Variants in SRRM3 observed in about 807,000 individuals in gnomAD.
The protein encoded by SRRM3 is serine/arginine repetitive matrix protein 3.
SRRM3 carries 27 observed loss-of-function variants against 66.2 expected under a neutral mutation model. The ratio of observed to expected loss-of-function variants is 0.41; its 90% CI spans 0.30 to 0.56. SRRM3 has a LOEUF of 0.56. Ranked by LOEUF, SRRM3 falls within the 20% of genes least tolerant of loss-of-function variation. The probability of loss-of-function intolerance (pLI) is 0.32; values close to 1 mark genes in which losing one functional copy is unlikely to be tolerated. For synonymous variants in SRRM3, 391 were observed against 414.9 expected (o/e 0.94, Z 0.70); for missense variants, 918 against 991.9 (o/e 0.93, Z 1.00).
intron 3 of SRRM3, among the ~76,000 whole-genome samples, chr7:76,258,239 G>A (rs1184325777): frequency 3.3e-5 from 5 of 152,124 alleles, no homozygotes; most frequent in Non-Finnish European, 5.9e-5. Context: ...AGGGCGAGGA[G>A]AGGCTATGAA....
intron 11 of SRRM3, among the ~76,000 whole-genome samples, chr7:76,276,198 T>TTCAC (rs1298911337): frequency 7.9e-5 from 12 of 152,166 alleles, no homozygotes; most frequent in Admixed American, 2.0e-4. Flanking sequence ...AGGTCCCTGA[T>TTCAC]TCACTCACTC....
chr7:76,261,185 T>C (rs1487428161), intron 6 of SRRM3, among the ~76,000 whole-genome samples, 167 bp from the exon 7 acceptor site: 2 of 152,022 alleles, frequency 1.3e-5, no homozygotes, highest in Admixed American at 6.6e-5. Flanking sequence ...CTGAGGGACC[T>C]TGGCGACCCT....
At chr7:76,234,038 C>A (rs1221941202) in intron 1 of SRRM3, among the ~76,000 whole-genome samples, 2 of 152,130 alleles carry the variant, frequency 1.3e-5, no homozygotes, top group African/African-American at 4.8e-5. Context: ...ATACCCAATC[C>A]CTTCTTTTCC....
intron 12 of SRRM3, 167 bp from the exon 13 acceptor site, chr7:76,282,481 C>A (rs1216958654): frequency 4.8e-5 from 22 of 455,568 alleles, no homozygotes; most frequent in Admixed American, 1.8e-4. Flanking sequence ...CTGAACTGAC[C>A]CCTGCCCCTC....
intron 11 of SRRM3, among the ~76,000 whole-genome samples, chr7:76,277,090 G>C (rs528219762): frequency 1.1e-4 from 17 of 152,356 alleles, no homozygotes; most frequent in Non-Finnish European, 2.4e-4. Flanking sequence ...CTTGGGCCAT[G>C]GCAGGCCCGT....
intron 1 of SRRM3, among the ~76,000 whole-genome samples, chr7:76,225,171 C>G (rs1190673354): frequency 6.6e-6 from 1 of 152,172 alleles, no homozygotes; most frequent in Non-Finnish European, 1.5e-5. Context: ...CCTGATCACC[C>G]AGGCAGAAGT....
Position 76,255,124 on chromosome 7 carries a change from T to TTTTC in SRRM3, c.336-4758_336-4755dup, listed in dbSNP as rs377584837. ...CATATTTGGGTAACATTATTTTTCC[T>TTTTC]TTTCTTTCTTTCTTTCTTTCTTTCT... On this transcript the variant is annotated intron_variant, in intron 3 of 14. Coordinates refer to ENST00000611745, the MANE Select transcript of SRRM3 (RefSeq NM_001110199.3). Among the ~76,000 whole-genome samples the TTTTC allele has an allele frequency of 5.3e-4, 74 of 139,582 alleles. 1 individual carries two copies. Among genetic ancestry groups the TTTTC allele is most frequent in the Middle Eastern group, 3.5e-3 (1 of 282 alleles). 91.6% of individuals were successfully genotyped at this position (139,582 alleles called of 152,430 possible). A position where few individuals can be genotyped will look rare whatever the true frequency, so the allele number is the denominator to read the frequency against.
intron 3 of SRRM3, among the ~76,000 whole-genome samples, chr7:76,259,655 G>C (rs1213328575): frequency 6.6e-6 from 1 of 152,096 alleles, no homozygotes; most frequent in African/African-American, 2.4e-5. Context: ...TAAATAAGGG[G>C]CTCGGTTATC....
At chr7:76,281,348 CTCTCCCGTCTG>C (rs1802499018) in intron 11 of SRRM3, 82 bp from the exon 12 acceptor site, 3 of 927,930 alleles carry the variant, frequency 3.2e-6, no homozygotes, top group Non-Finnish European at 4.1e-6. Flanking sequence ...TTCAATCTCT[CTCTCCCGTCTG>C]TCTCCTCTCT....
chr7:76,207,901 C>T (rs976224210), intron 1 of SRRM3, among the ~76,000 whole-genome samples: 1 of 152,060 alleles, frequency 6.6e-6, no homozygotes, highest in African/African-American at 2.4e-5. Context: ...AATAAATATT[C>T]TTCCAAAAGC....
At chr7:76,256,014 G>A (rs1801703288) in intron 3 of SRRM3, among the ~76,000 whole-genome samples, 2 of 152,152 alleles carry the variant, frequency 1.3e-5, no homozygotes, top group African/African-American at 4.8e-5. Context: ...AAGGTGGTCT[G>A]TTCTTTCCCT....
At chr7:76,264,861 C>A in intron 9 of SRRM3, 46 bp downstream of exon 9, 1 of 1,593,810 alleles carries the variant, frequency 6.3e-7, no homozygotes, top group Non-Finnish European at 8.6e-7. Flanking sequence ...TTCTCCCTCC[C>A]GCCCCAGCAA....
intron 3 of SRRM3, among the ~76,000 whole-genome samples, chr7:76,254,822 T>C: frequency 6.6e-6 from 1 of 151,986 alleles, no homozygotes; most frequent in East Asian, 1.9e-4. Context: ...CTTGATGAGC[T>C]GAGGGTGCTG....
intron 9 of SRRM3, 61 bp downstream of exon 9, chr7:76,264,876 C>T (rs1294261232): frequency 3.9e-6 from 6 of 1,554,496 alleles, no homozygotes; most frequent in East Asian, 2.2e-5. Context: ...CAGCAAACTA[C>T]GCCTTTTAGA....
chr7:76,238,502 T>C (rs1439546542), intron 2 of SRRM3, among the ~76,000 whole-genome samples: 2 of 152,158 alleles, frequency 1.3e-5, no homozygotes, highest in Non-Finnish European at 2.9e-5. Flanking sequence ...TGGTGATTGA[T>C]GGCGTACTTG....
At position 76,285,785 on chromosome 7, in the gene SRRM3, C is replaced by T. The variant is rs782587629; in HGVS notation, c.1904C>T (p.Ser635Leu). The T allele has an allele frequency of 5.2e-6, 8 of 1,550,772 alleles. No individual in the cohort carries two copies. The East Asian group carries it at 7.3e-5, about 14-fold the overall frequency. The change falls in exon 15 of 15, where the codon TCG (serine) becomes TTG (leucine). Residue 635 changes from serine to leucine, a missense_variant. By Grantham distance (145) the Ser-to-Leu change is moderately radical. Transcript: ENST00000611745. This position sits in a 1 kb window ranked among gnomAD's most constrained non-coding sequence, Gnocchi z 4.1. ...HGTRSRTRSP[S>L]RTPSPSYHSR... ...ACCCGCAGCCGGACACGCAGCCCCT[C>T]GAGGACCCCCAGTCCCAGCTACCAC...
chr7:76,282,362 A>T (rs1182160052), intron 12 of SRRM3, among the ~76,000 whole-genome samples: 1 of 126,320 alleles, frequency 7.9e-6, no homozygotes, highest in Non-Finnish European at 1.7e-5. Flanking sequence ...CCCCCAGGGA[A>T]CCCCCTCTCC....
chr7:76,267,154 GCT>G (rs781874284), intron 10 of SRRM3, 102 bp from the exon 11 acceptor site: 2 of 1,107,236 alleles, frequency 1.8e-6, no homozygotes, highest in East Asian at 6.5e-5. Flanking sequence ...GTGGAGGGCT[GCT>G]CTCTTTCCCC....
chr7:76,216,076 G>A (rs1440251783), intron 1 of SRRM3, among the ~76,000 whole-genome samples: 2 of 151,864 alleles, frequency 1.3e-5, no homozygotes, highest in South Asian at 4.2e-4. Flanking sequence ...CAAAGTGCTG[G>A]GATTACAGGC....
Sources: gnomAD v4.1 joint callset for allele counts (sites outside exome capture counted in the v4.1 genomes callset) on GRCh38, gnomAD v4.1.1 for gene constraint, Gnocchi (gnomAD v3.1) non-coding constraint, MANE v1.5 for transcripts, NCBI Gene and HGNC (gene_info 2026-07-23, HGNC 2026-07-21) for gene names.